FAM168B: variants seen among roughly 807,000 people sequenced by gnomAD.
The protein encoded by FAM168B is myelin-associated neurite-outgrowth inhibitor.
FAM168B carries 19 observed loss-of-function variants against 21.8 expected under a neutral mutation model. The ratio of observed to expected loss-of-function variants is 0.87; its 90% CI spans 0.61 to 1.28. The LOEUF (loss-of-function observed/expected upper bound fraction) is 1.28. FAM168B is among the 50% of genes most tolerant of loss of function. The probability of loss-of-function intolerance (pLI) is 0.00; values close to 1 mark genes in which losing one functional copy is unlikely to be tolerated. For missense variants in FAM168B, 233 were observed against 263.1 expected (o/e 0.89, Z 0.79); for synonymous variants, 126 against 104.8 (o/e 1.20, Z -1.24).
At chr2:131,071,732 CTT>C (rs1692879683) in intron 3 of FAM168B, 121 bp downstream of exon 3, 1 of 807,372 alleles carries the variant, frequency 1.2e-6, no homozygotes, top group South Asian at 1.5e-5. Flanking sequence ...AACAGGCTAA[CTT>C]AATGAACTTG....
At chr2:131,078,404 G>GA (rs1558984639) in intron 2 of FAM168B, among the ~76,000 whole-genome samples, 1 of 152,128 alleles carries the variant, frequency 6.6e-6, no homozygotes, top group Non-Finnish European at 1.5e-5. Flanking sequence ...GAAAAAAACA[G>GA]AAACTATAAA....
intron 1 of FAM168B, among the ~76,000 whole-genome samples, chr2:131,083,998 G>C (rs557655994): frequency 1.6e-4 from 25 of 152,076 alleles, no homozygotes; most frequent in African/African-American, 6.0e-4. Context: ...TGCCTCCCAG[G>C]TTTAAGTGAT....
rs1691573263 is a variant in FAM168B at position 131,050,196 on chromosome 2, G to A, written c.*2269C>T. On this transcript the variant is annotated 3_prime_UTR_variant, in exon 7 of 7. Coordinates refer to ENST00000389915, the MANE Select transcript of FAM168B (RefSeq NM_001009993.4). ...GCCAAGTACCAAGCAAGCCTGAAGAGATGCCTGTAACTTCTAACCTCCTCC... is the reference window on the plus strand; with the variant it reads ...GCCAAGTACCAAGCAAGCCTGAAGAAATGCCTGTAACTTCTAACCTCCTCC... 1.0e-6 allele frequency: 1 copy of A among 985,464 alleles called. No individual in the cohort carries two copies. Among genetic ancestry groups the A allele is most frequent in the African/African-American group, 1.7e-5 (1 of 57,372 alleles). 61.0% of individuals were successfully genotyped at this position (985,464 alleles called of 1,614,324 possible).
At chr2:131,066,334 C>T (rs1439459853) in intron 3 of FAM168B, among the ~76,000 whole-genome samples, 1 of 152,022 alleles carries the variant, frequency 6.6e-6, no homozygotes, top group African/African-American at 2.4e-5. Flanking sequence ...CACCACCACA[C>T]CCGGCTAATT....
At chr2:131,059,104 T>C (rs1377877303) in intron 3 of FAM168B, among the ~76,000 whole-genome samples, 1 of 152,106 alleles carries the variant, frequency 6.6e-6, no homozygotes, top group Non-Finnish European at 1.5e-5. Context: ...ACTGGGGCAT[T>C]GTACCAACAC....
chr2:131,064,343 ACATGTGAGGAGAG>A, intron 3 of FAM168B, among the ~76,000 whole-genome samples: 1 of 152,326 alleles, frequency 6.6e-6, no homozygotes, highest in East Asian at 1.9e-4. Flanking sequence ...AGCCTGAAGT[ACATGTGAGGAGAG>A]AAGATCTGTG....
chr2:131,049,933 C>G lies in FAM168B; in HGVS notation c.*2532G>C, dbSNP rs1691546989. ...CCTATGACAGTTTTGTGACTATTTC[C>G]TAAGTCCAGATTCTTACCTGATATC... On this transcript the variant is annotated 3_prime_UTR_variant, in exon 7 of 7. Coordinates refer to ENST00000389915, the MANE Select transcript of FAM168B (RefSeq NM_001009993.4). The G allele has an allele frequency of 3.0e-6, 3 of 985,552 alleles. No homozygotes were observed. The highest frequency in any genetic ancestry group is 3.5e-5 in the African/African-American group (2 of 57,376). The allele number at this position is 985,552 out of a possible 1,614,324, so 61.1% of individuals were successfully genotyped here. A position where few individuals can be genotyped will look rare whatever the true frequency, so the allele number is the denominator to read the frequency against.
chr2:131,076,687 A>G (rs1693169520), intron 2 of FAM168B, among the ~76,000 whole-genome samples: 1 of 151,982 alleles, frequency 6.6e-6, no homozygotes, highest in Non-Finnish European at 1.5e-5. Context: ...ATCACCTTAC[A>G]AAAGTAAAAG....
chr2:131,062,639 G>T (rs1359499107), intron 3 of FAM168B, among the ~76,000 whole-genome samples: 1 of 152,166 alleles, frequency 6.6e-6, no homozygotes, highest in Admixed American at 6.5e-5. Context: ...GTAGAGACTG[G>T]ATTCACCTAT....
intron 3 of FAM168B, among the ~76,000 whole-genome samples, chr2:131,065,788 CA>C (rs1377282460): frequency 1.6e-4 from 9 of 57,556 alleles, no homozygotes; most frequent in Non-Finnish European, 2.4e-4. Flanking sequence ...GACTCCAGCT[CA>C]AAAAAAAAAG....
At chr2:131,063,188 T>C (rs1256845603) in intron 3 of FAM168B, among the ~76,000 whole-genome samples, 3 of 152,168 alleles carry the variant, frequency 2.0e-5, no homozygotes, top group East Asian at 1.9e-4. Flanking sequence ...AATTTAATCG[T>C]AGAATCTTAG....
At chr2:131,066,152 C>A (rs1692545694) in intron 3 of FAM168B, among the ~76,000 whole-genome samples, 1 of 150,134 alleles carries the variant, frequency 6.7e-6, no homozygotes, top group African/African-American at 2.5e-5. Context: ...CTCTTTGCAA[C>A]ATTTGTATCT....
At chr2:131,075,595 C>T (rs1481078134) in intron 2 of FAM168B, among the ~76,000 whole-genome samples, 1 of 151,788 alleles carries the variant, frequency 6.6e-6, no homozygotes. Flanking sequence ...CCTGGGTTCA[C>T]GCCATTCTCC....
At position 131,051,825 on chromosome 2, in the gene FAM168B, T is replaced by C. The variant is rs112982760; in HGVS notation, c.*640A>G. On this transcript the variant is annotated 3_prime_UTR_variant, in exon 7 of 7. Coordinates refer to ENST00000389915, the MANE Select transcript of FAM168B (RefSeq NM_001009993.4). ...CTCAAAGGGATGTCCATGAACCAGC[T>C]GCACCCAAGCAGCTGTGGCTTCCCT... is the stretch of plus-strand genomic sequence containing the variant. 1.8e-3 allele frequency: 1,745 copies of C among 985,428 alleles called. 27 individuals are homozygous for C. In the African/African-American group the frequency reaches 0.029, roughly 16 times the overall value. 61.0% of individuals were successfully genotyped at this position (985,428 alleles called of 1,614,324 possible). A position where few individuals can be genotyped will look rare whatever the true frequency, so the allele number is the denominator to read the frequency against.
At position 131,048,653 on chromosome 2, in the gene FAM168B, T is replaced by C. The variant is rs2105438191; in HGVS notation, c.*3812A>G. The C allele has an allele frequency of 9.8e-7, 1 of 1,024,254 alleles. No individual in the cohort carries two copies. The highest frequency in any genetic ancestry group is 5.6e-5 in the Admixed American group (1 of 17,962). The allele number at this position is 1,024,254 out of a possible 1,614,324, so 63.4% of individuals were successfully genotyped here. On this transcript the variant is annotated 3_prime_UTR_variant, in exon 7 of 7. Coordinates refer to ENST00000389915, the MANE Select transcript of FAM168B (RefSeq NM_001009993.4). ...CCTCAGGACCTACTGATAAAGCATGTCCTCTGCAGTATACTCAAGAGTCTG... is the reference window on the plus strand; with the variant it reads ...CCTCAGGACCTACTGATAAAGCATGCCCTCTGCAGTATACTCAAGAGTCTG...
intron 3 of FAM168B, among the ~76,000 whole-genome samples, chr2:131,058,826 C>G (rs144760496): frequency 6.6e-6 from 1 of 152,174 alleles, no homozygotes; most frequent in African/African-American, 2.4e-5. Flanking sequence ...TAAAACTCAT[C>G]AAACTGAAGC....
At chr2:131,091,670 AAAG>A (rs894905460) in intron 1 of FAM168B, among the ~76,000 whole-genome samples, 2 of 151,894 alleles carry the variant, frequency 1.3e-5, no homozygotes, top group Non-Finnish European at 2.9e-5. Context: ...AGAAAAAAGA[AAAG>A]AAGTTCTCTC....
At chr2:131,054,987 A>G (rs1054653921) in intron 5 of FAM168B, among the ~76,000 whole-genome samples, 1 of 152,180 alleles carries the variant, frequency 6.6e-6, no homozygotes, top group African/African-American at 2.4e-5. Flanking sequence ...CTCAAGTCTT[A>G]CATGGTCATA....
intron 2 of FAM168B, among the ~76,000 whole-genome samples, chr2:131,077,962 G>A (rs1475801760): frequency 6.6e-6 from 1 of 152,132 alleles, no homozygotes; most frequent in African/African-American, 2.4e-5. Context: ...CCAGAATAAG[G>A]GCAGAACAAA....
Sources: allele counts gnomAD v4.1 joint callset (sites outside exome capture counted in the v4.1 genomes callset), GRCh38; gene constraint gnomAD v4.1.1; transcripts MANE v1.5; gene names NCBI Gene and HGNC (gene_info 2026-07-23, HGNC 2026-07-21).